IL6R: variants seen among roughly 807,000 people sequenced by gnomAD.
IL6R encodes the protein interleukin 6 receptor.
In IL6R, 38 loss-of-function variants were observed where a neutral mutation model predicts 48.3. The ratio of observed to expected loss-of-function variants is 0.79; its 90% CI spans 0.61 to 1.03. The LOEUF is 1.03. Ranked by LOEUF, IL6R falls within the 50% of genes least tolerant of loss-of-function variation. IL6R has a pLI of 0.00. For missense variants in IL6R, 534 were observed against 618.3 expected, an observed-to-expected ratio of 0.86 and a Z score of 1.45; for synonymous variants, 264 against 256.2, an observed-to-expected ratio of 1.03 and a Z score of -0.29.
intron 6 of IL6R, chr1:154,445,199 C>A (rs891199073): frequency 1.6e-5 from 7 of 433,660 alleles, no homozygotes; most frequent in Non-Finnish European, 3.3e-5. Flanking sequence ...TTAAAGGCTG[C>A]GAGGAAAGGT....
rs1464368389 is a variant in IL6R, at chr1:154,448,181, T to C, written c.996+10T>C. The C allele has an allele frequency of 1.2e-6, 2 of 1,611,882 alleles. No individual in the cohort carries two copies. The highest frequency in any genetic ancestry group is 1.7e-6 in the Non-Finnish European group (2 of 1,178,266). ...GTCCACCCCCATGCAGGTGAGCTCC[T>C]GTTCTTGTAAAAGGGTCAGGGCTGC... is the stretch of plus-strand genomic sequence containing the variant. On this transcript the variant is annotated intron_variant, in intron 7 of 9. Coordinates refer to ENST00000368485, the MANE Select transcript of IL6R (RefSeq NM_000565.4).
chr1:154,435,219 G>A, intron 5 of IL6R, 63 bp downstream of exon 5: 1 of 1,507,966 alleles, frequency 6.6e-7, no homozygotes, highest in Non-Finnish European at 9.1e-7. Flanking sequence ...TAGTAGAAAG[G>A]GTACTAGAGG....
intron 1 of IL6R, among the ~76,000 whole-genome samples, chr1:154,428,440 G>A (rs1008979173): frequency 1.3e-5 from 2 of 152,140 alleles, no homozygotes; most frequent in Admixed American, 6.5e-5. Flanking sequence ...TATATAACGG[G>A]CATTCTGCCA....
chr1:154,433,030 G>A (rs1689391843), intron 3 of IL6R, among the ~76,000 whole-genome samples: 1 of 152,232 alleles, frequency 6.6e-6, no homozygotes, highest in South Asian at 2.1e-4. Context: ...GCGCAGTGCT[G>A]GGGCAGTGGG....
chr1:154,454,521 T>C lies in IL6R; in HGVS notation c.1100T>C (p.Phe367Ser). The change falls in exon 9 of 10, where the codon TTC becomes TCC. Residue 367 changes from phenylalanine to serine, a missense_variant. Phe to Ser is a radical substitution (Grantham distance 155). Transcript: ENST00000368485. ...QDSSSVPLPT[F>S]LVAGGSLAFG... Reference sequence around the variant, plus strand: ...TCTTCTTCAGTACCACTGCCCACATTCCTGGTTGCTGGAGGGAGCCTGGCC... The same window carrying C: ...TCTTCTTCAGTACCACTGCCCACATCCCTGGTTGCTGGAGGGAGCCTGGCC... 1 of 1,613,870 alleles carries C rather than the reference T, an allele frequency of 6.2e-7. No individual in the cohort carries two copies. The highest frequency in any genetic ancestry group is 8.5e-7 in the Non-Finnish European group (1 of 1,179,792).
chr1:154,415,323 T>C (rs1482144882), intron 1 of IL6R, among the ~76,000 whole-genome samples: 3 of 152,284 alleles, frequency 2.0e-5, no homozygotes, highest in African/African-American at 7.2e-5. Context: ...GGATGAGGTA[T>C]GAAGTCTGAC....
At chr1:154,431,461 A>C (rs780932030) in intron 3 of IL6R, among the ~76,000 whole-genome samples, 7 of 152,200 alleles carry the variant, frequency 4.6e-5, no homozygotes, top group African/African-American at 9.7e-5. Context: ...TTTTCTATAG[A>C]TATGTACTTA....
At chr1:154,437,079 TTTG>T (rs930043473) in intron 6 of IL6R, among the ~76,000 whole-genome samples, 5 of 152,150 alleles carry the variant, frequency 3.3e-5, no homozygotes, top group South Asian at 4.1e-4. Flanking sequence ...TCCATGGAAA[TTTG>T]TTGTTGTTGT....
intron 6 of IL6R, among the ~76,000 whole-genome samples, chr1:154,445,653 G>C (rs1242479827): frequency 6.6e-6 from 1 of 151,964 alleles, no homozygotes; most frequent in Admixed American, 6.6e-5. Context: ...AGGAGGCTGA[G>C]GCAGGAGAAT....
intron 8 of IL6R, among the ~76,000 whole-genome samples, chr1:154,452,874 G>T (rs1339463909): frequency 6.6e-6 from 1 of 151,396 alleles, no homozygotes; most frequent in East Asian, 2.0e-4. Context: ...TTAGATACAT[G>T]ATAGGCACTC....
chr1:154,453,879 G>GA (rs1690727621), intron 8 of IL6R, among the ~76,000 whole-genome samples: 1 of 152,200 alleles, frequency 6.6e-6, no homozygotes, highest in Non-Finnish European at 1.5e-5. Flanking sequence ...AAACAGACAG[G>GA]AGAGAAGAGG....
intron 2 of IL6R, among the ~76,000 whole-genome samples, chr1:154,430,261 A>G (rs1324125967): frequency 6.6e-6 from 1 of 151,994 alleles, no homozygotes; most frequent in Non-Finnish European, 1.5e-5. Context: ...CCTGTCCCGG[A>G]TCCGTGTCTC....
In IL6R at chr1:154,429,186, C is replaced by T; in HGVS notation, c.86-10C>T. 6.2e-7 allele frequency: 1 copy of T among 1,604,044 alleles called. No individual in the cohort carries two copies. Among genetic ancestry groups the T allele is most frequent in the East Asian group, 2.2e-5 (1 of 44,532 alleles). On this transcript the variant is annotated splice_polypyrimidine_tract_variant and intron_variant, in intron 1 of 9. Coordinates refer to ENST00000368485, the MANE Select transcript of IL6R (RefSeq NM_000565.4). The stretch of plus-strand genomic sequence containing the variant: ...CTGTGGGCTCACCAAGTGTCTTCTC[C>T]CTCCTCCAGAGGTGGCGAGAGGCGT...
At chr1:154,408,871 G>A (rs1291718603) in intron 1 of IL6R, among the ~76,000 whole-genome samples, 2 of 152,054 alleles carry the variant, frequency 1.3e-5, no homozygotes, top group Admixed American at 6.5e-5. Context: ...TTATGCCAGC[G>A]CAGTGACTCA....
chr1:154,459,618 A>AT (rs893068424), intron 9 of IL6R, among the ~76,000 whole-genome samples: 1 of 152,010 alleles, frequency 6.6e-6, no homozygotes, highest in East Asian at 1.9e-4. Context: ...AATATCAGTG[A>AT]TTTTTTTCTT....
intron 6 of IL6R, among the ~76,000 whole-genome samples, chr1:154,444,503 G>A (rs1023824265): frequency 1.3e-5 from 2 of 152,246 alleles, no homozygotes; most frequent in East Asian, 1.9e-4. Context: ...CACCGTGCCC[G>A]GCTGGTTGCC....
intron 1 of IL6R, among the ~76,000 whole-genome samples, chr1:154,422,194 G>A (rs1166756131): frequency 4.0e-5 from 6 of 148,794 alleles, no homozygotes; most frequent in South Asian, 2.1e-4. Flanking sequence ...TGCCCGCCTC[G>A]GCCTCCCACA....
At chr1:154,420,106 C>T (rs114932585) in intron 1 of IL6R, among the ~76,000 whole-genome samples, 1 of 152,066 alleles carries the variant, frequency 6.6e-6, no homozygotes, top group African/African-American at 2.4e-5. Context: ...GGGAATTTTC[C>T]CTCCCCTAGA....
At chr1:154,431,398 C>G (rs1270419195) in intron 3 of IL6R, among the ~76,000 whole-genome samples, 1 of 152,104 alleles carries the variant, frequency 6.6e-6, no homozygotes, top group African/African-American at 2.4e-5. Context: ...ATTCCAAGAC[C>G]CCTAGTGGAT....
Sources: gnomAD v4.1 joint callset for allele counts (sites outside exome capture counted in the v4.1 genomes callset) on GRCh38, gnomAD v4.1.1 for gene constraint, MANE v1.5 for transcripts, NCBI Gene and HGNC (gene_info 2026-07-23, HGNC 2026-07-21) for gene names.